The following CADM2 variants were observed in gnomAD, a reference collection of about 807,000 sequenced individuals.
The protein encoded by CADM2 is cell adhesion molecule 2, also known as immunoglobulin superfamily member 4D.
Under a neutral mutation model 49.8 loss-of-function variants are expected in CADM2, and 12 were observed. The ratio of observed to expected loss-of-function variants is 0.24; its 90% CI spans 0.15 to 0.39. The LOEUF (loss-of-function observed/expected upper bound fraction) is 0.39, where lower values mean the gene tolerates loss of function less well. Among genes scored for constraint, CADM2 ranks in the 10% least tolerant of loss-of-function variants. The pLI is 1.00. For synonymous variants in CADM2, 214 were observed against 175.4 expected, an observed-to-expected ratio of 1.22 and a Z score of -1.74; for missense variants, 378 against 492.3, an observed-to-expected ratio of 0.77 and a Z score of 2.20.
At chr3:85,889,795 A>T (rs1714172676) in intron 5 of CADM2, among the ~76,000 whole-genome samples, 1 of 152,148 alleles carries the variant, frequency 6.6e-6, no homozygotes, top group Non-Finnish European at 1.5e-5. Context: ...TAAACAAATA[A>T]AACAAAAATA....
At chr3:85,371,940 C>A (rs2033269609) in intron 1 of CADM2, among the ~76,000 whole-genome samples, 1 of 151,422 alleles carries the variant, frequency 6.6e-6, no homozygotes. Context: ...CTTGGTAGAT[C>A]TTGTGAAAAT....
At chr3:85,843,280 C>A (rs2074720219) in intron 3 of CADM2, among the ~76,000 whole-genome samples, 1 of 152,012 alleles carries the variant, frequency 6.6e-6, no homozygotes, top group Non-Finnish European at 1.5e-5. Context: ...ACTTTAAGTG[C>A]ATGGGAATCA....
intron 8 of CADM2, among the ~76,000 whole-genome samples, chr3:86,058,557 G>A (rs916297447): frequency 1.3e-5 from 2 of 152,030 alleles, no homozygotes; most frequent in Non-Finnish European, 2.9e-5. Context: ...GAGTTTGTAA[G>A]CAGTGTCTTC....
At chr3:85,468,232 T>G (rs2038606490) in intron 1 of CADM2, among the ~76,000 whole-genome samples, 1 of 151,898 alleles carries the variant, frequency 6.6e-6, no homozygotes. Flanking sequence ...CACTGTCTGT[T>G]GTTTGCATGT....
At chr3:85,303,377 A>G (rs2107003282) in intron 1 of CADM2, among the ~76,000 whole-genome samples, 1 of 151,944 alleles carries the variant, frequency 6.6e-6, no homozygotes, top group East Asian at 1.9e-4. Context: ...TAAGGACAAA[A>G]TTAGCTCTCA....
chr3:85,792,667 C>T (rs1217136280), intron 2 of CADM2, among the ~76,000 whole-genome samples: 1 of 152,182 alleles, frequency 6.6e-6, no homozygotes, highest in Non-Finnish European at 1.5e-5. Flanking sequence ...CACATTTAAT[C>T]TTTAGCACAG....
intron 1 of CADM2, among the ~76,000 whole-genome samples, chr3:85,467,890 A>C (rs2038573657): frequency 1.3e-5 from 2 of 152,116 alleles, no homozygotes; most frequent in Admixed American, 1.3e-4. Flanking sequence ...ACATTGAGGC[A>C]GCGCCTGTAA....
In CADM2 at chr3:85,269,717, T is replaced by C. The variant is rs978968857; in HGVS notation, c.61+310049T>C. 4.0e-5 allele frequency among the ~76,000 whole-genome samples: 6 copies of C among 151,434 alleles called. 1 individual carries two copies. The highest frequency in any genetic ancestry group is 5.9e-5 in the Non-Finnish European group (4 of 67,560). ...GACAGAAAGACAATCAAAAGACATA[T>C]GGCATTAACAATTCTCAATTTTACT... is the stretch of plus-strand genomic sequence containing the variant. On this transcript the variant is annotated intron_variant, in intron 1 of 9. Coordinates refer to ENST00000383699, the MANE Select transcript of CADM2 (RefSeq NM_001167675.2).
chr3:85,808,331 C>T (rs1026783393), intron 3 of CADM2, among the ~76,000 whole-genome samples: 1 of 152,036 alleles, frequency 6.6e-6, no homozygotes, highest in African/African-American at 2.4e-5. Flanking sequence ...ATCTTAGCAC[C>T]TCTGTTATAA....
At chr3:85,017,892 A>G (rs1468738050) in intron 1 of CADM2, among the ~76,000 whole-genome samples, 5 of 152,326 alleles carry the variant, frequency 3.3e-5, no homozygotes, top group East Asian at 3.9e-4. Flanking sequence ...AGATAGAACC[A>G]TCATTTGGAA....
intron 1 of CADM2, among the ~76,000 whole-genome samples, chr3:85,601,124 A>ATGTG (rs10663541): frequency 0.14 from 8,476 of 59,472 alleles, 385 homozygotes; most frequent in Non-Finnish European, 0.16. Context: ...GCATTTATAT[A>ATGTG]TGTGTGTATA....
intron 1 of CADM2, among the ~76,000 whole-genome samples, chr3:85,524,308 T>C (rs1224796581): frequency 2.0e-5 from 3 of 152,150 alleles, no homozygotes; most frequent in African/African-American, 7.2e-5. Flanking sequence ...AATGATGTCA[T>C]TGATTTGAGA....
intron 1 of CADM2, among the ~76,000 whole-genome samples, chr3:85,107,468 G>A (rs146117742): frequency 6.6e-6 from 1 of 152,122 alleles, no homozygotes; most frequent in African/African-American, 2.4e-5. Context: ...AACAAGTGTT[G>A]GTGACGAAGG....
At chr3:85,709,417 C>T (rs781088486) in intron 1 of CADM2, among the ~76,000 whole-genome samples, 3 of 152,012 alleles carry the variant, frequency 2.0e-5, no homozygotes, top group African/African-American at 4.8e-5. Flanking sequence ...TGTTTTGTTG[C>T]GTTACATACA....
intron 8 of CADM2, among the ~76,000 whole-genome samples, chr3:85,970,787 T>C (rs1197522893): frequency 6.6e-6 from 1 of 151,584 alleles, no homozygotes; most frequent in Non-Finnish European, 1.5e-5. Context: ...TGGTTCAGGA[T>C]TCTGGAAGCT....
intron 8 of CADM2, among the ~76,000 whole-genome samples, chr3:85,963,263 C>T (rs1165216715): frequency 6.6e-6 from 1 of 151,902 alleles, no homozygotes; most frequent in Non-Finnish European, 1.5e-5. Context: ...ATTTCTAGCA[C>T]TTCATGAATT....
At chr3:86,010,708 A>T (rs939998337) in intron 8 of CADM2, among the ~76,000 whole-genome samples, 1 of 151,462 alleles carries the variant, frequency 6.6e-6, no homozygotes, top group Non-Finnish European at 1.5e-5. Context: ...CATAATAAAG[A>T]TAAAATTAGA....
intron 1 of CADM2, among the ~76,000 whole-genome samples, chr3:85,022,159 C>A (rs2034538951): frequency 6.6e-6 from 1 of 152,160 alleles, no homozygotes; most frequent in African/African-American, 2.4e-5. Context: ...TCTAGAACAG[C>A]ACCATAGTAA....
At chr3:85,739,719 A>G (rs574670561) in intron 2 of CADM2, among the ~76,000 whole-genome samples, 48 of 152,166 alleles carry the variant, frequency 3.2e-4, no homozygotes, top group Admixed American at 4.6e-4. Context: ...ACAGGTGAGG[A>G]AGCACTGAAA....
Sources: allele counts gnomAD v4.1 joint callset (sites outside exome capture counted in the v4.1 genomes callset), GRCh38; gene constraint gnomAD v4.1.1; transcripts MANE v1.5; gene names NCBI Gene and HGNC (gene_info 2026-07-23, HGNC 2026-07-21).